The following GRID1 variants were observed in gnomAD, a reference collection of about 807,000 sequenced individuals.
GRID1 encodes glutamate receptor ionotropic, delta-1.
GRID1 carries 28 observed loss-of-function variants against 98.0 expected under a neutral mutation model. The ratio of observed to expected loss-of-function variants is 0.29; its 90% CI spans 0.21 to 0.39. The LOEUF (loss-of-function observed/expected upper bound fraction) is 0.39, where lower values mean the gene tolerates loss of function less well. Among genes scored for constraint, GRID1 ranks in the 10% least tolerant of loss-of-function variants. GRID1 has a pLI of 1.00. For missense variants in GRID1, 1,111 were observed against 1,340.5 expected, an observed-to-expected ratio of 0.83 and a Z score of 2.67; for synonymous variants, 553 against 538.5, an observed-to-expected ratio of 1.03 and a Z score of -0.37.
intron 4 of GRID1, among the ~76,000 whole-genome samples, chr10:86,032,248 G>T (rs1045348052): frequency 1.4e-4 from 22 of 152,034 alleles, no homozygotes; most frequent in African/African-American, 5.1e-4. Context: ...TCCTGGAGGT[G>T]GGGGGCGCCT....
chr10:85,842,155 C>T (rs537616443), intron 8 of GRID1, among the ~76,000 whole-genome samples: 7 of 152,130 alleles, frequency 4.6e-5, no homozygotes, highest in African/African-American at 9.6e-5. Context: ...CAAAAAAGAA[C>T]AAGATCATGT....
intron 4 of GRID1, among the ~76,000 whole-genome samples, chr10:85,943,867 C>T (rs1470226478): frequency 6.6e-6 from 1 of 152,252 alleles, no homozygotes; most frequent in African/African-American, 2.4e-5. Context: ...GAGATATCTA[C>T]TTCCCCAAGC....
intron 8 of GRID1, among the ~76,000 whole-genome samples, chr10:85,751,119 C>T (rs1174063216): frequency 4.6e-5 from 7 of 152,126 alleles, no homozygotes; most frequent in Admixed American, 3.9e-4. Context: ...TACATTCTTG[C>T]AATCTCAGGA....
At chr10:85,983,394 G>A (rs768116511) in intron 4 of GRID1, among the ~76,000 whole-genome samples, 3 of 152,210 alleles carry the variant, frequency 2.0e-5, no homozygotes, top group Non-Finnish European at 4.4e-5. Context: ...CCCACTGCAC[G>A]GGACCCCAGC....
chr10:85,864,474 T>C (rs1327891268), intron 6 of GRID1, among the ~76,000 whole-genome samples: 1 of 152,252 alleles, frequency 6.6e-6, no homozygotes, highest in African/African-American at 2.4e-5. Context: ...AGCAGCCAGT[T>C]GCAGCCAAGG....
chr10:85,733,769 G>A (rs1239381796), intron 8 of GRID1, among the ~76,000 whole-genome samples: 1 of 151,928 alleles, frequency 6.6e-6, no homozygotes, highest in African/African-American at 2.4e-5. Context: ...AAAGAACCAG[G>A]ATATAAAACT....
At chr10:85,865,912 C>CAT (rs375258556) in intron 6 of GRID1, among the ~76,000 whole-genome samples, 13,067 of 82,788 alleles carry the variant, frequency 0.16, 1,093 homozygotes, top group African/African-American at 0.2. Flanking sequence ...TACATATATA[C>CAT]ATATATATAT....
intron 3 of GRID1, among the ~76,000 whole-genome samples, chr10:86,167,291 G>A (rs1845414069): frequency 6.6e-6 from 1 of 152,254 alleles, no homozygotes; most frequent in South Asian, 2.1e-4. Flanking sequence ...TGAGCATCAG[G>A]GAGAAGGGGC....
chr10:86,319,058 G>C (rs371430247), intron 2 of GRID1, among the ~76,000 whole-genome samples: 2 of 152,138 alleles, frequency 1.3e-5, no homozygotes, highest in African/African-American at 2.4e-5. Context: ...CGTTCAGGGT[G>C]GGGGGAACTG....
intron 14 of GRID1, among the ~76,000 whole-genome samples, chr10:85,617,738 C>CA (rs1410805367): frequency 6.6e-6 from 1 of 152,086 alleles, no homozygotes; most frequent in African/African-American, 2.4e-5. Context: ...CACTACTTGC[C>CA]AAAATGACAT....
rs938138210 is a variant in GRID1 at position 86,192,264 on chromosome 10, C to T, written c.520+14100G>A. On this transcript the variant is annotated intron_variant, in intron 3 of 15. Coordinates refer to ENST00000327946, the MANE Select transcript of GRID1 (RefSeq NM_017551.3). This position sits in a 1 kb window ranked among gnomAD's most constrained non-coding sequence, Gnocchi z 4.8. ...CAACACCCTCAGAAAGCCAAGTGGA[C>T]CAAAGGTAGAAGCAACCCTTAAGTG... 2.0e-5 allele frequency among the ~76,000 whole-genome samples: 3 copies of T among 152,068 alleles called. No homozygotes were observed. Among genetic ancestry groups the T allele is most frequent in the African/African-American group, 7.2e-5 (3 of 41,386 alleles).
At chr10:86,039,000 G>T (rs1399230332) in intron 4 of GRID1, among the ~76,000 whole-genome samples, 1 of 152,140 alleles carries the variant, frequency 6.6e-6, no homozygotes, top group African/African-American at 2.4e-5. Context: ...AAGCAGGTCA[G>T]AAATCCACCC....
chr10:86,274,219 T>C (rs1031041847), intron 2 of GRID1, among the ~76,000 whole-genome samples: 6 of 152,244 alleles, frequency 3.9e-5, no homozygotes, highest in Non-Finnish European at 7.3e-5. Context: ...GATCCGATAG[T>C]TGTAGATATG....
chr10:86,066,863 A>C (rs1185527444), intron 4 of GRID1, among the ~76,000 whole-genome samples: 3 of 152,198 alleles, frequency 2.0e-5, no homozygotes. Context: ...CAAGAGCCAC[A>C]GCCCAGAACG....
At chr10:85,644,743 T>C (rs1843164299) in intron 13 of GRID1, among the ~76,000 whole-genome samples, 2 of 152,188 alleles carry the variant, frequency 1.3e-5, no homozygotes, top group South Asian at 4.1e-4. Flanking sequence ...TATAAGAGAA[T>C]GCTAAGCTCT....
rs537819487 is a variant in GRID1 at position 85,653,810 on chromosome 10, C to T, written c.1998-6413G>A. On this transcript the variant is annotated intron_variant, in intron 12 of 15. Transcript: ENST00000327946. The stretch of plus-strand genomic sequence containing the variant: ...GGCTTGGGCCCCCGTCCGTGTGATG[C>T]GCTGCACCACCACATGACACTGAAG... 9.5e-4 allele frequency among the ~76,000 whole-genome samples: 144 copies of T among 152,102 alleles called. 3 individuals carry two copies. Among genetic ancestry groups the T allele is most frequent in the Admixed American group, 5.5e-3 (84 of 15,278 alleles).
chr10:86,069,138 CT>C (rs1843761036), intron 4 of GRID1, among the ~76,000 whole-genome samples: 2 of 152,146 alleles, frequency 1.3e-5, no homozygotes, highest in South Asian at 4.2e-4. Context: ...TGTTTATGCA[CT>C]TCAGGCTCTC....
At chr10:85,621,606 G>C (rs1436199744) in intron 13 of GRID1, among the ~76,000 whole-genome samples, 2 of 152,128 alleles carry the variant, frequency 1.3e-5, no homozygotes, top group African/African-American at 4.8e-5. Flanking sequence ...CAACGACCTT[G>C]TAAGAAATGA....
At chr10:85,802,129 G>C (rs926448564) in intron 8 of GRID1, among the ~76,000 whole-genome samples, 1 of 151,934 alleles carries the variant, frequency 6.6e-6, no homozygotes, top group African/African-American at 2.4e-5. Flanking sequence ...CATGATCAAG[G>C]AAAACAAGAC....
Sources: gnomAD v4.1 joint callset for allele counts (sites outside exome capture counted in the v4.1 genomes callset) on GRCh38, gnomAD v4.1.1 for gene constraint, Gnocchi (gnomAD v3.1) non-coding constraint, MANE v1.5 for transcripts, NCBI Gene and HGNC (gene_info 2026-07-23, HGNC 2026-07-21) for gene names.